MBNL2: variants seen among roughly 807,000 people sequenced by gnomAD.
The protein encoded by MBNL2 is muscleblind-like protein 2.
Under a neutral mutation model 41.9 loss-of-function variants are expected in MBNL2, and 17 were observed. The ratio of observed to expected loss-of-function variants is 0.41; its 90% CI spans 0.28 to 0.61. The LOEUF is 0.61. MBNL2 is among the 20% of genes least tolerant of loss of function. The probability of loss-of-function intolerance (pLI) is 0.35; values close to 1 mark genes in which losing one functional copy is unlikely to be tolerated. For missense variants in MBNL2, 336 were observed against 505.6 expected (o/e 0.66, Z 3.22); for synonymous variants, 195 against 182.9 (o/e 1.07, Z -0.53).
chr13:97,301,444 G>A (rs545793259), intron 2 of MBNL2, among the ~76,000 whole-genome samples: 1 of 152,278 alleles, frequency 6.6e-6, no homozygotes, highest in African/African-American at 2.4e-5. Context: ...TGACCTCACC[G>A]TGTCTTGGAG....
intron 8 of MBNL2, among the ~76,000 whole-genome samples, chr13:97,383,012 G>T (rs1390696): frequency 1.3e-5 from 2 of 151,970 alleles, no homozygotes; most frequent in African/African-American, 4.8e-5. Context: ...CTTCTAGAAC[G>T]CCAGCGGAAA....
At position 97,357,488 on chromosome 13, in the gene MBNL2, C is replaced by T. The variant is rs867046267; in HGVS notation, c.865C>T (p.Pro289Ser). Residue 289 changes from proline to serine, a missense_variant, in exon 7 of 9, where the codon CCC (proline) becomes TCC (serine). By Grantham distance (74) the Pro-to-Ser change is moderately conservative. Transcript: ENST00000679496. ...TCGAATTCTTCATTTCTAGGCCTTT[C>T]CCCCTGGTGCTCTTCATCCTTTACC... ...PLEATVDLAF[P>S]PGALHPLPKR... The T allele has an allele frequency of 6.2e-7, 1 of 1,613,874 alleles. No individual in the cohort carries two copies. The highest frequency in any genetic ancestry group is 8.5e-7 in the Non-Finnish European group (1 of 1,179,830).
intron 8 of MBNL2, among the ~76,000 whole-genome samples, chr13:97,373,337 T>C (rs987073295): frequency 1.4e-4 from 21 of 151,944 alleles, no homozygotes; most frequent in African/African-American, 4.4e-4. Flanking sequence ...GGTTGGAGAA[T>C]GGATGTGGTT....
intron 8 of MBNL2, among the ~76,000 whole-genome samples, chr13:97,372,411 G>A (rs935831108): frequency 6.6e-6 from 1 of 151,604 alleles, no homozygotes; most frequent in Admixed American, 6.6e-5. Context: ...TGTCATAAAG[G>A]TCTTACCACA....
intron 2 of MBNL2, among the ~76,000 whole-genome samples, chr13:97,296,965 A>G (rs987781429): frequency 6.6e-6 from 1 of 152,200 alleles, no homozygotes; most frequent in Non-Finnish European, 1.5e-5. Context: ...ATTTTCTCAG[A>G]TAGGAAAGGG....
At chr13:97,375,194 C>G (rs1408531463) in intron 8 of MBNL2, among the ~76,000 whole-genome samples, 1 of 152,186 alleles carries the variant, frequency 6.6e-6, no homozygotes, top group Non-Finnish European at 1.5e-5. Flanking sequence ...GTCTCTCAGC[C>G]CCTTCTGGCA....
At chr13:97,213,963 T>C in the MBNL2 span, among the ~76,000 whole-genome samples, 1 of 152,192 alleles carries the variant, frequency 6.6e-6, no homozygotes, top group Non-Finnish European at 1.5e-5. Flanking sequence ...GAGATGACAA[T>C]GTCTTCATCA....
At chr13:97,237,635 AT>A (rs1209523973) in intron 1 of MBNL2, among the ~76,000 whole-genome samples, 1 of 152,226 alleles carries the variant, frequency 6.6e-6, no homozygotes, top group Non-Finnish European at 1.5e-5. Context: ...ATAAAATCAC[AT>A]TGTGTGCACC....
At chr13:97,361,072 T>C (rs2063352974) in intron 7 of MBNL2, among the ~76,000 whole-genome samples, 1 of 152,150 alleles carries the variant, frequency 6.6e-6, no homozygotes, top group Non-Finnish European at 1.5e-5. Context: ...CCAGAGCCAG[T>C]AATGAGAATA....
At chr13:97,389,662 C>T (rs977092314) in intron 8 of MBNL2, among the ~76,000 whole-genome samples, 3 of 151,520 alleles carry the variant, frequency 2.0e-5, no homozygotes, top group African/African-American at 7.3e-5. Context: ...GCTGTGATTA[C>T]ACCACTGCAT....
rs2066420816 is a variant in MBNL2, at chr13:97,392,994, C to G, written c.*1545C>G. ...TATTTGTTTGAGGAAAAAAAGAAAT[C>G]TGCATTTTAATTCATGTTGGTCAAA... On this transcript the variant is annotated 3_prime_UTR_variant, in exon 9 of 9. Coordinates refer to ENST00000679496, the MANE Select transcript of MBNL2 (RefSeq NM_001382683.1). 1 of 152,412 alleles carries G rather than the reference C, an allele frequency of 6.6e-6. No individual in the cohort carries two copies. Among genetic ancestry groups the G allele is most frequent in the African/African-American group, 2.4e-5 (1 of 41,440 alleles). The allele number at this position is 152,412 out of a possible 1,614,324, so 9.4% of individuals were successfully genotyped here.
the MBNL2 span, chr13:97,179,500 C>A: frequency 6.6e-6 from 1 of 152,258 alleles, no homozygotes; most frequent in African/African-American, 2.4e-5. Context: ...CTTCCCATTG[C>A]ACTTCCTTAA....
chr13:97,383,865 A>G (rs766139562), intron 8 of MBNL2, among the ~76,000 whole-genome samples: 5 of 152,036 alleles, frequency 3.3e-5, no homozygotes, highest in Admixed American at 6.6e-5. Context: ...GTGTCTTTTC[A>G]TATACTACTG....
the MBNL2 span, among the ~76,000 whole-genome samples, chr13:97,162,572 C>T: frequency 3.3e-5 from 5 of 152,258 alleles, no homozygotes; most frequent in Admixed American, 6.5e-5. Flanking sequence ...TATAAAAATA[C>T]GAAGAGCAGG....
intron 5 of MBNL2, among the ~76,000 whole-genome samples, chr13:97,348,999 C>T (rs9584556): frequency 0.26 from 39,294 of 152,136 alleles, 5,275 homozygotes; most frequent in Non-Finnish European, 0.3. Flanking sequence ...CCAATTTGAG[C>T]TGCTTATTTC....
chr13:97,357,412 T>G, intron 6 of MBNL2, 70 bp from the exon 7 acceptor site: 124 of 1,284,470 alleles, frequency 9.7e-5, no homozygotes, highest in Middle Eastern at 1.9e-4. Context: ...TTGCAATTGA[T>G]GATCTCTGTG....
intron 1 of MBNL2, among the ~76,000 whole-genome samples, chr13:97,265,483 A>C (rs973790222): frequency 6.6e-6 from 1 of 152,214 alleles, no homozygotes; most frequent in African/African-American, 2.4e-5. Context: ...GTTTGGAGTT[A>C]GTTTTAGAAG....
chr13:97,270,383 G>T (rs1177066489), intron 1 of MBNL2, among the ~76,000 whole-genome samples: 2 of 151,814 alleles, frequency 1.3e-5, no homozygotes, highest in African/African-American at 4.8e-5. Context: ...ATGTATTTTT[G>T]AATTCAGTGT....
chr13:97,329,988 T>C (rs2060294722), intron 2 of MBNL2, among the ~76,000 whole-genome samples: 2 of 152,188 alleles, frequency 1.3e-5, no homozygotes, highest in Admixed American at 1.3e-4. Flanking sequence ...CATTCTTCTC[T>C]AGAATATGTA....
Sources: allele counts gnomAD v4.1 joint callset (sites outside exome capture counted in the v4.1 genomes callset), GRCh38; gene constraint gnomAD v4.1.1; transcripts MANE v1.5; gene names NCBI Gene and HGNC (gene_info 2026-07-23, HGNC 2026-07-21).